Variants in PLEKHA4 observed in about 807,000 individuals in gnomAD.
PLEKHA4 encodes the protein pleckstrin homology domain containing A4.
PLEKHA4 carries 73 observed loss-of-function variants against 94.7 expected under a neutral mutation model. The ratio of observed to expected loss-of-function variants is 0.77; its 90% CI spans 0.64 to 0.94. The LOEUF (loss-of-function observed/expected upper bound fraction) is 0.94. PLEKHA4 is among the 40% of genes least tolerant of loss of function. PLEKHA4 has a pLI of 0.00. For synonymous variants in PLEKHA4, 449 were observed against 437.1 expected, an observed-to-expected ratio of 1.03 and a Z score of -0.34; for missense variants, 1,049 against 1,054.1, an observed-to-expected ratio of 1.00 and a Z score of 0.07.
rs2036698139 is a variant in PLEKHA4 at position 48,862,879 on chromosome 19, C to G, written c.193-1187G>C. On this transcript the variant is annotated intron_variant, in intron 3 of 19. Coordinates refer to ENST00000263265, the MANE Select transcript of PLEKHA4 (RefSeq NM_020904.3). ...AGAATCCACCTTCATGTTTTCTCGT[C>G]TATCCGCTGGAGATTGAGAAGTTTT... 2.0e-5 allele frequency among the ~76,000 whole-genome samples: 3 copies of G among 152,228 alleles called. No homozygotes were observed. The East Asian group carries it at 5.8e-4, about 29-fold the overall frequency.
chr19:48,860,159 C>A (rs945709985), intron 6 of PLEKHA4, 191 bp downstream of exon 6: 8 of 595,354 alleles, frequency 1.3e-5, no homozygotes, highest in African/African-American at 1.9e-5. Flanking sequence ...AGGTGGTGGG[C>A]GGAACTTAAG....
In PLEKHA4 at chr19:48,842,440, C is replaced by T. The variant is rs375303340; in HGVS notation, c.1744-1130G>A. On this transcript the variant is annotated intron_variant, in intron 16 of 19. Coordinates refer to ENST00000263265, the MANE Select transcript of PLEKHA4 (RefSeq NM_020904.3). ...CTGGGATTACAGGCGTGAGCCACCGCGCCCAGCCAATGTTGTTAATTTCTT... is the reference window on the plus strand; with the variant it reads ...CTGGGATTACAGGCGTGAGCCACCGTGCCCAGCCAATGTTGTTAATTTCTT... Among the ~76,000 whole-genome samples the T allele has an allele frequency of 1.6e-4, 24 of 152,318 alleles. 1 individual carries two copies. The South Asian group carries it at 1.9e-3, about 12-fold the overall frequency.
At position 48,837,400 on chromosome 19, in the gene PLEKHA4, T is replaced by G; in HGVS notation, c.2229A>C (p.Gly743=). 1 of 1,613,368 alleles carries G rather than the reference T, an allele frequency of 6.2e-7. No homozygotes were observed. Among genetic ancestry groups the G allele is most frequent in the Non-Finnish European group, 8.5e-7 (1 of 1,179,798 alleles). ...GFSRRGSGRG[G]GPTPWGPAWD... ...ACGCGGGCCCCCAGGGGGTGGGACC[T>G]CCTCCACGCCCACTCCCTCGGCGAG... The change falls in exon 20 of 20, where the codon GGA becomes GGC. Residue 743 remains glycine (G), a synonymous_variant. Transcript: ENST00000263265. The surrounding 1 kb of genome is among the most constrained non-coding windows in gnomAD (Gnocchi z 4.3).
At chr19:48,847,020 T>C (rs1568538818) in intron 14 of PLEKHA4, among the ~76,000 whole-genome samples, 1 of 152,166 alleles carries the variant, frequency 6.6e-6, no homozygotes, top group Non-Finnish European at 1.5e-5. Flanking sequence ...TAGCTGGGAT[T>C]ACAGGTGTGC....
intron 3 of PLEKHA4, among the ~76,000 whole-genome samples, chr19:48,862,204 CTTTT>C (rs747491446): frequency 7.4e-6 from 1 of 135,514 alleles, no homozygotes. Flanking sequence ...TTTTCTCTCT[CTTTT>C]TTTTTTTTTT....
intron 13 of PLEKHA4, 137 bp downstream of exon 13, chr19:48,852,091 A>T (rs1389403229): frequency 1.5e-6 from 1 of 648,648 alleles, no homozygotes; most frequent in Non-Finnish European, 2.8e-6. Flanking sequence ...AGGGGCTTAG[A>T]TTGAAAGGAC....
intron 12 of PLEKHA4, among the ~76,000 whole-genome samples, chr19:48,852,873 C>T (rs1412412366): frequency 2.0e-5 from 3 of 151,790 alleles, no homozygotes; most frequent in Non-Finnish European, 4.4e-5. Flanking sequence ...ACAGAAGTTG[C>T]AGTGAGCCTG....
Position 48,867,011 on chromosome 19 carries a change from C to T in PLEKHA4, c.84+526G>A, listed in dbSNP as rs1188466141. Among the ~76,000 whole-genome samples, 2 of 152,134 alleles carry T rather than the reference C, an allele frequency of 1.3e-5. No individual in the cohort carries two copies. Among genetic ancestry groups the T allele is most frequent in the African/African-American group, 4.8e-5 (2 of 41,426 alleles). On this transcript the variant is annotated intron_variant, in intron 2 of 19. Transcript: ENST00000263265. The surrounding 1 kb of genome is among the most constrained non-coding windows in gnomAD (Gnocchi z 4.7). ...CGGTGGTACTGACCAAGGCTGAGAT[C>T]AGATCTCTGGGCTCTGAACTTGAGA...
intron 2 of PLEKHA4, 70 bp from the exon 3 acceptor site, chr19:48,865,680 C>T (rs1360773964): frequency 7.4e-6 from 8 of 1,081,896 alleles, no homozygotes; most frequent in African/African-American, 1.6e-5. Flanking sequence ...TGAGGGTGGA[C>T]ACAGGCAACC....
chr19:48,856,876 G>A (rs529215611), intron 9 of PLEKHA4, among the ~76,000 whole-genome samples: 116 of 128,874 alleles, frequency 9.0e-4, no homozygotes, highest in Middle Eastern at 4.4e-3. Flanking sequence ...TCCAGCCTGG[G>A]CGACAGAGAG....
At chr19:48,865,027 T>C (rs2036781226) in intron 3 of PLEKHA4, among the ~76,000 whole-genome samples, 1 of 152,166 alleles carries the variant, frequency 6.6e-6, no homozygotes, top group African/African-American at 2.4e-5. Context: ...ACACTGTAAG[T>C]GTTCAAGAAG....
chr19:48,868,558 C>G lies in PLEKHA4; in HGVS notation c.-482G>C, dbSNP rs2036909871. ...CTGCCGTTTCCTCCCTTTTCTCTTTCCGATTTCCCTTCTCACTTTCTCCCT... is the reference window on the plus strand; with the variant it reads ...CTGCCGTTTCCTCCCTTTTCTCTTTGCGATTTCCCTTCTCACTTTCTCCCT... On this transcript the variant is annotated 5_prime_UTR_variant, in exon 1 of 20. Coordinates refer to ENST00000263265, the MANE Select transcript of PLEKHA4 (RefSeq NM_020904.3). 6.6e-6 allele frequency: 1 copy of G among 152,578 alleles called. No individual in the cohort carries two copies. The highest frequency in any genetic ancestry group is 6.6e-5 in the Admixed American group (1 of 15,234). 9.5% of individuals were successfully genotyped at this position (152,578 alleles called of 1,614,324 possible).
intron 16 of PLEKHA4, chr19:48,845,045 C>CA (rs932502335): frequency 1.1e-3 from 187 of 177,934 alleles, no homozygotes; most frequent in African/African-American, 4.2e-3. Context: ...GAACTCCTGA[C>CA]AAAGTGCTGG....
intron 13 of PLEKHA4, among the ~76,000 whole-genome samples, chr19:48,848,852 G>A (rs1452700636): frequency 3.3e-5 from 5 of 151,790 alleles, no homozygotes; most frequent in East Asian, 1.9e-4. Context: ...TTGTTTTACT[G>A]TGTTACATCT....
intron 13 of PLEKHA4, among the ~76,000 whole-genome samples, 177 bp downstream of exon 13, chr19:48,852,051 A>G (rs962153572): frequency 2.0e-5 from 3 of 152,092 alleles, no homozygotes; most frequent in African/African-American, 7.2e-5. Context: ...TTAAAAAAAA[A>G]CCCCAAAGGG....
intron 2 of PLEKHA4, among the ~76,000 whole-genome samples, chr19:48,866,385 C>A (rs1341256281): frequency 6.6e-6 from 1 of 152,132 alleles, no homozygotes; most frequent in Non-Finnish European, 1.5e-5. Context: ...TGGCTCACTG[C>A]AACCCCTGCC....
intron 13 of PLEKHA4, among the ~76,000 whole-genome samples, chr19:48,850,455 GA>G (rs2036140667): frequency 6.6e-6 from 1 of 152,038 alleles, no homozygotes; most frequent in African/African-American, 2.4e-5. Context: ...AGTGAGTCGA[GA>G]TTGTGCCACT....
chr19:48,840,225 G>A (rs996829435), intron 17 of PLEKHA4, among the ~76,000 whole-genome samples: 1 of 151,922 alleles, frequency 6.6e-6, no homozygotes, highest in Non-Finnish European at 1.5e-5. Flanking sequence ...CACCAGCCTG[G>A]CCAACGTGGT....
intron 14 of PLEKHA4, among the ~76,000 whole-genome samples, chr19:48,846,625 G>A (rs182511162): frequency 1.6e-4 from 24 of 152,170 alleles, no homozygotes; most frequent in Admixed American, 7.9e-4. Context: ...AGAATTCGCC[G>A]GGCATGGTGG....
Sources: allele counts gnomAD v4.1 joint callset (sites outside exome capture counted in the v4.1 genomes callset), GRCh38; gene constraint gnomAD v4.1.1; non-coding constraint Gnocchi (gnomAD v3.1); transcripts MANE v1.5; gene names NCBI Gene and HGNC (gene_info 2026-07-23, HGNC 2026-07-21).